The following ADAMTS9 variants were observed in gnomAD, a reference collection of about 807,000 sequenced individuals.
The protein encoded by ADAMTS9 is A disintegrin and metalloproteinase with thrombospondin motifs 9.
Under a neutral mutation model 257.1 loss-of-function variants are expected in ADAMTS9, and 107 were observed. The observed-to-expected ratio is 0.42, with a 90% CI of 0.36 to 0.49. ADAMTS9 has a LOEUF of 0.49. Ranked by LOEUF, ADAMTS9 falls within the 20% of genes least tolerant of loss-of-function variation. ADAMTS9 has a pLI of 0.03. For synonymous variants in ADAMTS9, 982 were observed against 880.9 expected, an observed-to-expected ratio of 1.11 and a Z score of -2.03; for missense variants, 2,353 against 2,469.1, an observed-to-expected ratio of 0.95 and a Z score of 1.00.
At position 64,516,905 on chromosome 3, in the gene ADAMTS9, CT is replaced by C. The variant is rs1280484571; in HGVS notation, c.*221del. 1 of 152,430 alleles carries C rather than the reference CT, an allele frequency of 6.6e-6. No homozygotes were observed. Among genetic ancestry groups the C allele is most frequent in the Non-Finnish European group, 1.5e-5 (1 of 68,028 alleles). 9.4% of individuals were successfully genotyped at this position (152,430 alleles called of 1,614,324 possible). A position where few individuals can be genotyped will look rare whatever the true frequency, so the allele number is the denominator to read the frequency against. ...AATAATTTCAAACATAAATATTAAA[CT>C]TTACATCATTAGGATAGTCTACATA... On this transcript the variant is annotated 3_prime_UTR_variant, in exon 40 of 40. Transcript: ENST00000498707.
At chr3:64,629,805 GAATA>G (rs112739168) in intron 16 of ADAMTS9, among the ~76,000 whole-genome samples, 1 of 152,180 alleles carries the variant, frequency 6.6e-6, no homozygotes, top group Non-Finnish European at 1.5e-5. Flanking sequence ...GTGACTGAAT[GAATA>G]GTGATAGCAA....
At chr3:64,626,581 A>G (rs1184000934) in intron 16 of ADAMTS9, among the ~76,000 whole-genome samples, 2 of 152,168 alleles carry the variant, frequency 1.3e-5, no homozygotes, top group African/African-American at 4.8e-5. Flanking sequence ...AAAACTACCT[A>G]TTGGGTACAA....
rs1285827699 is a variant in ADAMTS9 at position 64,651,007 on chromosome 3, C to G, written c.1463+10G>C. On this transcript the variant is annotated intron_variant, in intron 9 of 39. Transcript: ENST00000498707. ...TAGAAGTTTGTGCTAAAAGAATGTT[C>G]AAGTCTTACTCTAAAAACTCAGTGA... 6.3e-7 allele frequency: 1 copy of G among 1,595,292 alleles called. No homozygotes were observed. The highest frequency in any genetic ancestry group is 8.5e-7 in the Non-Finnish European group (1 of 1,172,892).
intron 29 of ADAMTS9, among the ~76,000 whole-genome samples, chr3:64,567,334 T>A (rs2106676930): frequency 6.6e-6 from 1 of 152,236 alleles, no homozygotes; most frequent in Non-Finnish European, 1.5e-5. Context: ...TTATCTGGAG[T>A]CATCTGAATG....
At chr3:64,673,468 C>A (rs1701540544) in intron 3 of ADAMTS9, among the ~76,000 whole-genome samples, 1 of 152,078 alleles carries the variant, frequency 6.6e-6, no homozygotes, top group Admixed American at 6.5e-5. Flanking sequence ...CTATATGCAG[C>A]AAATCTCAAA....
intron 3 of ADAMTS9, among the ~76,000 whole-genome samples, chr3:64,670,604 T>C (rs1701463866): frequency 6.6e-6 from 1 of 152,204 alleles, no homozygotes; most frequent in Non-Finnish European, 1.5e-5. Flanking sequence ...TGGGAGACAA[T>C]ATTTAAAAAC....
chr3:64,644,132 T>C (rs1427333452), intron 11 of ADAMTS9, among the ~76,000 whole-genome samples: 1 of 152,176 alleles, frequency 6.6e-6, no homozygotes, highest in Non-Finnish European at 1.5e-5. Context: ...TAAATAACAG[T>C]GGCAATGATA....
intron 32 of ADAMTS9, among the ~76,000 whole-genome samples, chr3:64,543,582 A>T (rs1211900675): frequency 6.6e-6 from 1 of 152,230 alleles, no homozygotes; most frequent in Non-Finnish European, 1.5e-5. Context: ...TCATGCTAAA[A>T]ACTCTCAATA....
intron 28 of ADAMTS9, among the ~76,000 whole-genome samples, chr3:64,573,833 C>A (rs1462837195): frequency 6.6e-6 from 1 of 152,138 alleles, no homozygotes; most frequent in African/African-American, 2.4e-5. Context: ...CCAGCCTGTA[C>A]CTACTATTCC....
At chr3:64,633,958 T>TTCC (rs1700434210) in intron 12 of ADAMTS9, 79 bp from the exon 13 acceptor site, 1 of 1,308,672 alleles carries the variant, frequency 7.6e-7, no homozygotes, top group Non-Finnish European at 1.1e-6. Context: ...CATTCATGAC[T>TTCC]TCCTGTCTTC....
intron 2 of ADAMTS9, among the ~76,000 whole-genome samples, 162 bp from the exon 3 acceptor site, chr3:64,681,525 G>T (rs1231577459): frequency 6.6e-6 from 1 of 152,074 alleles, no homozygotes; most frequent in African/African-American, 2.4e-5. Context: ...CGGAGAAGTG[G>T]TTTATTTCCA....
At chr3:64,674,788 C>T (rs551718659) in intron 3 of ADAMTS9, among the ~76,000 whole-genome samples, 1 of 152,328 alleles carries the variant, frequency 6.6e-6, no homozygotes, top group South Asian at 2.1e-4. Context: ...CGAAAGCCCC[C>T]TCAGGGGTCT....
intron 32 of ADAMTS9, 33 bp downstream of exon 32, chr3:64,546,725 C>T (rs1559757034): frequency 6.4e-7 from 1 of 1,552,616 alleles, no homozygotes; most frequent in South Asian, 1.2e-5. Context: ...GATCCAAGGG[C>T]TTTCAGATTT....
chr3:64,550,319 T>C (rs1480024527), intron 31 of ADAMTS9: 1 of 152,264 alleles, frequency 6.6e-6, no homozygotes, highest in Non-Finnish European at 1.5e-5. Flanking sequence ...GAAAGGGGTT[T>C]GTTTGCCCCT....
intron 28 of ADAMTS9, among the ~76,000 whole-genome samples, chr3:64,575,136 C>T (rs1191191560): frequency 6.6e-6 from 1 of 152,164 alleles, no homozygotes; most frequent in Non-Finnish European, 1.5e-5. Flanking sequence ...TTACTATTTC[C>T]ATTGATGGGT....
chr3:64,552,759 G>A (rs569353821), intron 30 of ADAMTS9, among the ~76,000 whole-genome samples: 25 of 152,142 alleles, frequency 1.6e-4, no homozygotes, highest in Admixed American at 5.2e-4. Context: ...GTCTCACTAC[G>A]TTGCCCAGTT....
At chr3:64,571,958 C>T (rs9833903) in intron 28 of ADAMTS9, among the ~76,000 whole-genome samples, 78,975 of 151,984 alleles carry the variant, frequency 0.52, 20,995 homozygotes, top group East Asian at 0.75. Flanking sequence ...ACATAATCGT[C>T]AAATTTAGTG....
At chr3:64,597,618 A>G (rs1042579160) in intron 26 of ADAMTS9, among the ~76,000 whole-genome samples, 3 of 152,138 alleles carry the variant, frequency 2.0e-5, no homozygotes, top group African/African-American at 7.2e-5. Context: ...TACTTCCCCA[A>G]TGAACTTAAT....
At chr3:64,546,577 C>G (rs183694602) in intron 32 of ADAMTS9, among the ~76,000 whole-genome samples, 181 bp downstream of exon 32, 1 of 152,170 alleles carries the variant, frequency 6.6e-6, no homozygotes, top group African/African-American at 2.4e-5. Context: ...GTTCTAAGCA[C>G]AAAGCCACTT....
Sources: allele counts gnomAD v4.1 joint callset (sites outside exome capture counted in the v4.1 genomes callset), GRCh38; gene constraint gnomAD v4.1.1; transcripts MANE v1.5; gene names NCBI Gene and HGNC (gene_info 2026-07-23, HGNC 2026-07-21).